The following NCAM1 variants were observed in gnomAD, a reference collection of about 807,000 sequenced individuals.
NCAM1 encodes the protein antigen recognized by monoclonal antibody 5.1H11.
In NCAM1, 14 loss-of-function variants were observed where a neutral mutation model predicts 109.8. The ratio of observed to expected loss-of-function variants is 0.13; its 90% CI spans 0.08 to 0.20. The LOEUF (loss-of-function observed/expected upper bound fraction) is 0.20. Among genes scored for constraint, NCAM1 ranks in the 10% least tolerant of loss-of-function variants. The probability of loss-of-function intolerance (pLI) is 1.00; values close to 1 mark genes in which losing one functional copy is unlikely to be tolerated. For missense variants in NCAM1, 774 were observed against 1,109.9 expected, an observed-to-expected ratio of 0.70 and a Z score of 4.30; for synonymous variants, 418 against 442.9, an observed-to-expected ratio of 0.94 and a Z score of 0.70.
intron 1 of NCAM1, among the ~76,000 whole-genome samples, chr11:113,024,309 A>G (rs1555076804): frequency 6.6e-6 from 1 of 152,224 alleles, no homozygotes; most frequent in Non-Finnish European, 1.5e-5. Flanking sequence ...TTTGGAGGCA[A>G]CAGGCAAACT....
At chr11:113,262,233 G>A (rs570320326) in intron 17 of NCAM1, among the ~76,000 whole-genome samples, 1 of 152,320 alleles carries the variant, frequency 6.6e-6, no homozygotes, top group African/African-American at 2.4e-5. Context: ...TGTGGTGTGG[G>A]ACTTGTGCCA....
chr11:113,110,773 T>C (rs1940410402), intron 1 of NCAM1, among the ~76,000 whole-genome samples: 1 of 152,206 alleles, frequency 6.6e-6, no homozygotes, highest in South Asian at 2.1e-4. Flanking sequence ...AGTAAGCTTG[T>C]GGCCTGGTTC....
chr11:113,148,827 C>T (rs1440702175), intron 1 of NCAM1, among the ~76,000 whole-genome samples: 1 of 152,124 alleles, frequency 6.6e-6, no homozygotes, highest in Non-Finnish European at 1.5e-5. Context: ...AAGGCAAGGG[C>T]TCCTCCCCTC....
chr11:113,044,036 A>G (rs1324956632), intron 1 of NCAM1, among the ~76,000 whole-genome samples: 3 of 151,456 alleles, frequency 2.0e-5, no homozygotes, highest in Non-Finnish European at 4.4e-5. Context: ...GTAATATTTG[A>G]TCAATGTCAA....
At chr11:113,270,114 G>A in intron 17 of NCAM1, 74 bp from the exon 18 acceptor site, 2 of 1,461,952 alleles carry the variant, frequency 1.4e-6, no homozygotes, top group Non-Finnish European at 9.5e-7. Context: ...CCACCCGCAG[G>A]GGCTTTTGCT....
intron 1 of NCAM1, among the ~76,000 whole-genome samples, chr11:113,102,943 C>T (rs1407815648): frequency 6.6e-6 from 1 of 152,148 alleles, no homozygotes; most frequent in East Asian, 1.9e-4. Flanking sequence ...TTATTAGACA[C>T]AAAATAAACT....
intron 14 of NCAM1, among the ~76,000 whole-genome samples, chr11:113,241,443 TA>T (rs1373850164): frequency 6.6e-6 from 1 of 152,126 alleles, no homozygotes; most frequent in Admixed American, 6.5e-5. Flanking sequence ...ATCTCCTCTG[TA>T]AAATAGGATG....
chr11:112,964,887 G>C (rs1404040629), intron 1 of NCAM1, among the ~76,000 whole-genome samples: 16 of 152,184 alleles, frequency 1.1e-4, no homozygotes, highest in African/African-American at 3.6e-4. Flanking sequence ...CATTGTAGAC[G>C]TGTGGGCTAT....
intron 1 of NCAM1, among the ~76,000 whole-genome samples, chr11:113,010,682 G>A (rs1278206745): frequency 2.6e-5 from 4 of 152,134 alleles, no homozygotes; most frequent in Non-Finnish European, 4.4e-5. Context: ...GTCAGTTGGC[G>A]AGAGTACCAA....
chr11:113,080,855 G>C (rs1376312361), intron 1 of NCAM1, among the ~76,000 whole-genome samples: 1 of 152,212 alleles, frequency 6.6e-6, no homozygotes, highest in Admixed American at 6.5e-5. Flanking sequence ...AGGGAACAGA[G>C]TGCAGTGGCT....
chr11:113,132,777 A>G (rs1038146508), intron 1 of NCAM1, among the ~76,000 whole-genome samples: 1 of 152,016 alleles, frequency 6.6e-6, no homozygotes, highest in Non-Finnish European at 1.5e-5. Context: ...CAAAGCTATT[A>G]CAGGAATAGG....
rs186219101 is a variant in NCAM1 at position 113,183,465 on chromosome 11, G to C, written c.53-18914G>C. On this transcript the variant is annotated intron_variant, in intron 1 of 19. Coordinates refer to ENST00000316851, the MANE Select transcript of NCAM1 (RefSeq NM_181351.5). ...ACACGCAAATGAAAGAGGGTTTGCT[G>C]TCAGGTAGTGGAGAGCATTTATTAG... is the stretch of plus-strand genomic sequence containing the variant. 1.1e-3 allele frequency among the ~76,000 whole-genome samples: 170 copies of C among 152,322 alleles called. 1 individual carries two copies. The highest frequency in any genetic ancestry group is 8.9e-3 in the South Asian group (43 of 4,826).
chr11:113,044,168 C>G (rs1953181273), intron 1 of NCAM1, among the ~76,000 whole-genome samples: 1 of 152,138 alleles, frequency 6.6e-6, no homozygotes, highest in Non-Finnish European at 1.5e-5. Flanking sequence ...TTCACCTGTT[C>G]TTTCTCATGC....
chr11:113,265,017 T>C, intron 17 of NCAM1: 2 of 985,468 alleles, frequency 2.0e-6, no homozygotes, highest in Non-Finnish European at 2.4e-6. Flanking sequence ...GCCCTGTAGT[T>C]GTGCTGCCCA....
intron 1 of NCAM1, among the ~76,000 whole-genome samples, chr11:113,179,207 T>G (rs1392095476): frequency 6.6e-6 from 1 of 152,214 alleles, no homozygotes; most frequent in Non-Finnish European, 1.5e-5. Context: ...GAAACTGTCA[T>G]ATACTTTTTA....
chr11:113,125,262 C>T (rs902580414), intron 1 of NCAM1, among the ~76,000 whole-genome samples: 28 of 152,270 alleles, frequency 1.8e-4, no homozygotes, highest in Admixed American at 6.5e-4. Context: ...CCAGGCAAGG[C>T]GGTTTCCACT....
chr11:113,233,050 G>A lies in NCAM1; in HGVS notation c.1523-97G>A. Reference sequence around the variant, plus strand: ...GGATACAGTGACAGGATTCCCAAGAGTGAGCAGAAATGACAGAGATGTGCC... The same window carrying A: ...GGATACAGTGACAGGATTCCCAAGAATGAGCAGAAATGACAGAGATGTGCC... On this transcript the variant is annotated intron_variant, in intron 12 of 19. Coordinates refer to ENST00000316851, the MANE Select transcript of NCAM1 (RefSeq NM_181351.5). This position sits in a 1 kb window ranked among gnomAD's most constrained non-coding sequence, Gnocchi z 4.5. The A allele has an allele frequency of 1.6e-6, 2 of 1,282,502 alleles. No individual in the cohort carries two copies. Among genetic ancestry groups the A allele is most frequent in the South Asian group, 1.4e-5 (1 of 69,718 alleles). The allele number at this position is 1,282,502 out of a possible 1,614,324, so 79.4% of individuals were successfully genotyped here.
intron 9 of NCAM1, among the ~76,000 whole-genome samples, chr11:113,227,453 C>T (rs1178408921): frequency 6.6e-6 from 1 of 151,620 alleles, no homozygotes; most frequent in Non-Finnish European, 1.5e-5. Context: ...GCTTACCAAC[C>T]AAAAAAAGTC....
At position 113,274,241 on chromosome 11, in the gene NCAM1, C is replaced by T. The variant is rs952405638; in HGVS notation, c.2457-1026C>T. Among the ~76,000 whole-genome samples the T allele has an allele frequency of 2.0e-5, 3 of 152,196 alleles. No individual in the cohort carries two copies. The highest frequency in any genetic ancestry group is 7.2e-5 in the African/African-American group (3 of 41,446). ...TCACACTGTGGCTCAGATGCTCACC[C>T]TCCCCTCCCAACCCCGGCCCCCAGC... On this transcript the variant is annotated intron_variant, in intron 19 of 19. Coordinates refer to ENST00000316851, the MANE Select transcript of NCAM1 (RefSeq NM_181351.5). This position sits in a 1 kb window ranked among gnomAD's most constrained non-coding sequence, Gnocchi z 4.1.
Sources: allele counts gnomAD v4.1 joint callset (sites outside exome capture counted in the v4.1 genomes callset), GRCh38; gene constraint gnomAD v4.1.1; non-coding constraint Gnocchi (gnomAD v3.1); transcripts MANE v1.5; gene names NCBI Gene and HGNC (gene_info 2026-07-23, HGNC 2026-07-21).